Variants in BCAM observed in about 807,000 individuals in gnomAD.
The protein encoded by BCAM is basal cell adhesion molecule (Lutheran blood group).
Under a neutral mutation model 72.4 loss-of-function variants are expected in BCAM, and 61 were observed. That is an observed-to-expected ratio of 0.84 (90% CI 0.69 to 1.04). The LOEUF (loss-of-function observed/expected upper bound fraction) is 1.04, where lower values mean the gene tolerates loss of function less well. Ranked by LOEUF, BCAM falls within the 50% of genes least tolerant of loss-of-function variation. The probability of loss-of-function intolerance (pLI) is 0.00; values close to 1 mark genes in which losing one functional copy is unlikely to be tolerated. For synonymous variants in BCAM, 408 were observed against 384.2 expected, an observed-to-expected ratio of 1.06 and a Z score of -0.73; for missense variants, 909 against 895.0, an observed-to-expected ratio of 1.02 and a Z score of -0.20.
chr19:44,812,498 G>C lies in BCAM; in HGVS notation c.454G>C (p.Val152Leu). ...NVFAKPEATE[V>L]SPNKGTLSVM... ...CACAGCAAAGCCAGAGGCCACTGAG[G>C]TCTCCCCCAACAAAGGGACACTGTC... The change falls in exon 4 of 15, where the codon GTC becomes CTC. Residue 152 changes from valine (V) to leucine (L), a missense_variant. Val to Leu is a conservative substitution (Grantham distance 32, BLOSUM62 1). Coordinates refer to ENST00000270233, the MANE Select transcript of BCAM (RefSeq NM_005581.5). This position sits in a 1 kb window ranked among gnomAD's most constrained non-coding sequence, Gnocchi z 5.3. 1.9e-6 allele frequency: 3 copies of C among 1,614,240 alleles called. No individual in the cohort carries two copies. Among genetic ancestry groups the C allele is most frequent in the Non-Finnish European group, 2.5e-6 (3 of 1,180,042 alleles).
rs1968573808 is a variant in BCAM, at chr19:44,820,714, G to A, written c.1773G>A (p.Gly591=). ...QRREKGAPPP[G]EPGLSHSGSE... ...TGCCTCCTCCCCCCAGGCCGCCAGG[G>A]GAGCCAGGGCTGAGCCACTCGGGGT... is the stretch of plus-strand genomic sequence containing the variant. Residue 591 remains glycine, a synonymous_variant, in exon 14 of 15, where the codon GGG becomes GGA. Transcript: ENST00000270233. The A allele has an allele frequency of 4.3e-6, 6 of 1,402,068 alleles. No homozygotes were observed. In the East Asian group the frequency reaches 1.4e-4, roughly 32 times the overall value. The allele number at this position is 1,402,068 out of a possible 1,614,324, so 86.9% of individuals were successfully genotyped here.
In BCAM at chr19:44,818,532, C is replaced by A. The variant is rs1369874626; in HGVS notation, c.1089C>A (p.Pro363=). Residue 363 remains proline (P), a synonymous_variant, in exon 9 of 15, where the codon CCC becomes CCA. Coordinates refer to ENST00000270233, the MANE Select transcript of BCAM (RefSeq NM_005581.5). This position sits in a 1 kb window ranked among gnomAD's most constrained non-coding sequence, Gnocchi z 4.6. ...TLELRVAYLD[P]LELSEGKVLS... ...TGTCCCCCACTGCAGATCTGGACCC[C>A]CTGGAGCTCAGCGAGGGGAAGGTGC... The A allele has an allele frequency of 6.2e-7, 1 of 1,613,762 alleles. No homozygotes were observed. The highest frequency in any genetic ancestry group is 1.3e-5 in the African/African-American group (1 of 74,898).
At position 44,813,153 on chromosome 19, in the gene BCAM, C is replaced by T; in HGVS notation, c.505-97C>T. The stretch of plus-strand genomic sequence containing the variant: ...CCTGGGAGAGTCGGGAGTTAGGAGC[C>T]CGGCTCATGAGTCTGAGTGGGGAGA... On this transcript the variant is annotated intron_variant, in intron 4 of 14. Transcript: ENST00000270233. The surrounding 1 kb of genome is among the most constrained non-coding windows in gnomAD (Gnocchi z 4.2). 1 of 1,388,448 alleles carries T rather than the reference C, an allele frequency of 7.2e-7. No individual in the cohort carries two copies. Among genetic ancestry groups the T allele is most frequent in the Non-Finnish European group, 9.9e-7 (1 of 1,006,314 alleles). The allele number at this position is 1,388,448 out of a possible 1,614,324, so 86.0% of individuals were successfully genotyped here.
chr19:44,815,838 GCA>G (rs147388701), intron 8 of BCAM, among the ~76,000 whole-genome samples: 366 of 150,002 alleles, frequency 2.4e-3, no homozygotes, highest in African/African-American at 8.7e-3. Flanking sequence ...GACCCCATTT[GCA>G]CACACACACA....
intron 1 of BCAM, among the ~76,000 whole-genome samples, chr19:44,810,716 G>A (rs376855400): frequency 6.6e-6 from 1 of 152,238 alleles, no homozygotes; most frequent in Non-Finnish European, 1.5e-5. Flanking sequence ...CCTGCCCTGG[G>A]GGGTGGCGTG....
Position 44,819,350 on chromosome 19 carries a change from C to A in BCAM, c.1478C>A (p.Ala493Glu). The stretch of plus-strand genomic sequence containing the variant: ...GCCTGATCGGAGCCTCCATAGCCCG[C>A]AGAGCCAATCCCCGGACGGCAGGGT... ...LSWSQLGGSPAEPIPGRQGWV... is the reference protein window; with the variant it reads ...LSWSQLGGSPEEPIPGRQGWV... Residue 493 changes from alanine to glutamate, a missense_variant, in exon 12 of 15, where the codon GCA (alanine) becomes GAA (glutamate). Physicochemically the swap from Ala to Glu is moderately radical, Grantham distance 107 (BLOSUM62 -1). Transcript: ENST00000270233. The A allele has an allele frequency of 6.2e-7, 1 of 1,614,102 alleles. No homozygotes were observed. The highest frequency in any genetic ancestry group is 2.2e-5 in the East Asian group (1 of 44,880).
Position 44,814,711 on chromosome 19 carries a change from C to CGCG in BCAM, c.1032_1034dup (p.Ala345dup), listed in dbSNP as rs1315689440. On this transcript the variant is annotated inframe_insertion, in exon 8 of 15. Transcript: ENST00000270233. The surrounding 1 kb of genome is among the most constrained non-coding windows in gnomAD (Gnocchi z 4.6). Reference sequence around the variant, plus strand: ...ATGGCTGCAGAGTGGAGGATTACGACGCGGCAGATGACGTGCAGCTCTCCA... The same window carrying CGCG: ...ATGGCTGCAGAGTGGAGGATTACGACGCGGCGGCAGATGACGTGCAGCTCTCCA... 11 of 1,613,754 alleles carry CGCG rather than the reference C, an allele frequency of 6.8e-6. No individual in the cohort carries two copies. Among genetic ancestry groups the CGCG allele is most frequent in the Non-Finnish European group, 9.3e-6 (11 of 1,180,012 alleles).
At chr19:44,811,974 A>T (rs182256571) in intron 2 of BCAM, 189 bp from the exon 3 acceptor site, 16 of 627,350 alleles carry the variant, frequency 2.6e-5, no homozygotes, top group Admixed American at 2.5e-4. Flanking sequence ...GGAGAAAAGG[A>T]GACAGGAAAA....
In BCAM at chr19:44,814,609, G is replaced by A; in HGVS notation, c.927G>A (p.Glu309=). 6.2e-7 allele frequency: 1 copy of A among 1,613,188 alleles called. No individual in the cohort carries two copies. Among genetic ancestry groups the A allele is most frequent in the Non-Finnish European group, 8.5e-7 (1 of 1,179,424 alleles). ...PEYTLFRLQD[E]QEEVLNVNLE... ...CCTCGTCCCCCGTCTCCCAGGATGAGCAGGAGGAAGTGCTGAATGTGAATC... is the reference window on the plus strand; with the variant it reads ...CCTCGTCCCCCGTCTCCCAGGATGAACAGGAGGAAGTGCTGAATGTGAATC... Residue 309 remains glutamate (E), a synonymous_variant, in exon 8 of 15, where the codon GAG becomes GAA. Transcript: ENST00000270233. This position sits in a 1 kb window ranked among gnomAD's most constrained non-coding sequence, Gnocchi z 4.6.
chr19:44,813,242 T>A lies in BCAM; in HGVS notation c.505-8T>A. Reference sequence around the variant, plus strand: ...CCAAGCCCAGGGCCATGCCCGTGTCTGCCTCAGATCGCCACCTGCAACAGC... The same window carrying A: ...CCAAGCCCAGGGCCATGCCCGTGTCAGCCTCAGATCGCCACCTGCAACAGC... On this transcript the variant is annotated splice_region_variant and splice_polypyrimidine_tract_variant and intron_variant, in intron 4 of 14. Coordinates refer to ENST00000270233, the MANE Select transcript of BCAM (RefSeq NM_005581.5). The surrounding 1 kb of genome is among the most constrained non-coding windows in gnomAD (Gnocchi z 4.2). 1 of 1,613,974 alleles carries A rather than the reference T, an allele frequency of 6.2e-7. No homozygotes were observed. The highest frequency in any genetic ancestry group is 8.5e-7 in the Non-Finnish European group (1 of 1,179,982).
Position 44,812,490 on chromosome 19 carries a change from C to T in BCAM, c.446C>T (p.Ala149Val). 1 of 1,614,230 alleles carries T rather than the reference C, an allele frequency of 6.2e-7. No homozygotes were observed. Among genetic ancestry groups the T allele is most frequent in the Non-Finnish European group, 8.5e-7 (1 of 1,180,036 alleles). Residue 149 changes from alanine to valine, a missense_variant, in exon 4 of 15, where the codon GCC becomes GTC. Ala to Val is a moderately conservative substitution (Grantham distance 64, BLOSUM62 0). Coordinates refer to ENST00000270233, the MANE Select transcript of BCAM (RefSeq NM_005581.5). This position sits in a 1 kb window ranked among gnomAD's most constrained non-coding sequence, Gnocchi z 5.3. ...GTCTTTTTCACAGCAAAGCCAGAGG[C>T]CACTGAGGTCTCCCCCAACAAAGGG... ...ARLNVFAKPE[A>V]TEVSPNKGTL...
chr19:44,819,727 G>A lies in BCAM; in HGVS notation c.1763+1G>A, dbSNP rs1230351368. 3.1e-6 allele frequency: 5 copies of A among 1,597,016 alleles called. No homozygotes were observed. In the African/African-American group the frequency reaches 4.1e-5, roughly 13 times the overall value. On this transcript the variant is annotated splice_donor_variant, in intron 13 of 14. Transcript: ENST00000270233. LOFTEE classifies it high-confidence loss of function. ...GCCAGCGGCGGGAGAAGGGGGCTCC[G>A]TGAGTGGCCTGCTATCTGCAATGAC...
At position 44,821,165 on chromosome 19, in the gene BCAM, C is replaced by T. The variant is rs1968586575; in HGVS notation, c.*244C>T. 3.9e-6 allele frequency: 2 copies of T among 513,250 alleles called. No homozygotes were observed. Among genetic ancestry groups the T allele is most frequent in the South Asian group, 6.5e-5 (2 of 30,696 alleles). 31.8% of individuals were successfully genotyped at this position (513,250 alleles called of 1,614,324 possible). On this transcript the variant is annotated 3_prime_UTR_variant, in exon 15 of 15. Transcript: ENST00000270233. ...CTCCAGGGAATGTGACTCTCCCAGG[C>T]CCCAGAATAGCTCCTGGACCCAAGC... is the stretch of plus-strand genomic sequence containing the variant.
Position 44,813,553 on chromosome 19 carries a change from C to G in BCAM, c.717C>G (p.Ala239=). 6.2e-7 allele frequency: 1 copy of G among 1,612,784 alleles called. No individual in the cohort carries two copies. Among genetic ancestry groups the G allele is most frequent in the Non-Finnish European group, 8.5e-7 (1 of 1,179,930 alleles). ...DDRDASFHCA[A]HYSLPEGRHG... is the part of the protein sequence containing the mutation. Reference sequence around the variant, plus strand: ...GAGACGCCAGCTTCCACTGCGCCGCCCACTACAGCCTGCCCGAGGGCCGCC... The same window carrying G: ...GAGACGCCAGCTTCCACTGCGCCGCGCACTACAGCCTGCCCGAGGGCCGCC... The change falls in exon 6 of 15, where the codon GCC becomes GCG. Residue 239 remains alanine, a synonymous_variant. Transcript: ENST00000270233. This position sits in a 1 kb window ranked among gnomAD's most constrained non-coding sequence, Gnocchi z 4.2.
rs899523462 is a variant in BCAM, at chr19:44,821,279, C to T, written c.*358C>T. On this transcript the variant is annotated 3_prime_UTR_variant, in exon 15 of 15. Transcript: ENST00000270233. The stretch of plus-strand genomic sequence containing the variant: ...CTCCCCTGCTGGTCCCCCCACCTGA[C>T]GTCTTGCTGCAGAGTCTGACACTGG... 11 of 267,022 alleles carry T rather than the reference C, an allele frequency of 4.1e-5. No homozygotes were observed. The highest frequency in any genetic ancestry group is 7.0e-5 in the East Asian group (1 of 14,374). 16.5% of individuals were successfully genotyped at this position (267,022 alleles called of 1,614,324 possible).
Position 44,820,815 on chromosome 19 carries a change from G to A in BCAM, c.1874G>A (p.Gly625Glu). ...GCCAGGGGTGGCAGCGGGGGCTTCG[G>A]AGACGAGGTGGGTGAGGGCCTGGGC... ...GGARGGSGGF[G>E]DEC The change falls in exon 14 of 15, where the codon GGA becomes GAA. Residue 625 changes from glycine (G) to glutamate (E), a missense_variant. Coordinates refer to ENST00000270233, the MANE Select transcript of BCAM (RefSeq NM_005581.5). 6.6e-7 allele frequency: 1 copy of A among 1,513,766 alleles called. No homozygotes were observed. The highest frequency in any genetic ancestry group is 8.9e-7 in the Non-Finnish European group (1 of 1,128,758). 93.8% of individuals were successfully genotyped at this position (1,513,766 alleles called of 1,614,324 possible).
At position 44,812,988 on chromosome 19, in the gene BCAM, A is replaced by C; in HGVS notation, c.505-262A>C. On this transcript the variant is annotated intron_variant, in intron 4 of 14. Coordinates refer to ENST00000270233, the MANE Select transcript of BCAM (RefSeq NM_005581.5). The surrounding 1 kb of genome is among the most constrained non-coding windows in gnomAD (Gnocchi z 5.3). ...AAAAGAAGAAGAAAAGAAAAAAGAA[A>C]GGAAGGGCAGAGGGGGAAGACTCCT... 4.1e-6 allele frequency: 2 copies of C among 490,958 alleles called. No homozygotes were observed. Among genetic ancestry groups the C allele is most frequent in the Non-Finnish European group, 7.1e-6 (2 of 281,052 alleles). 30.4% of individuals were successfully genotyped at this position (490,958 alleles called of 1,614,324 possible).
At position 44,813,366 on chromosome 19, in the gene BCAM, G is replaced by A. The variant is rs28399655; in HGVS notation, c.601+20G>A. ...ACCCAGGTGAGCAGCGCAGGAGCGC[G>A]GCGGGACGTGGGCTGGGGTGGGTGG... On this transcript the variant is annotated intron_variant, in intron 5 of 14. Transcript: ENST00000270233. The surrounding 1 kb of genome is among the most constrained non-coding windows in gnomAD (Gnocchi z 4.2). 15 of 1,611,450 alleles carry A rather than the reference G, an allele frequency of 9.3e-6. No homozygotes were observed. The highest frequency in any genetic ancestry group is 1.6e-4 in the Middle Eastern group (1 of 6,076).
At position 44,813,396 on chromosome 19, in the gene BCAM, G is replaced by C; in HGVS notation, c.602-42G>C. On this transcript the variant is annotated intron_variant, in intron 5 of 14. Transcript: ENST00000270233. The surrounding 1 kb of genome is among the most constrained non-coding windows in gnomAD (Gnocchi z 4.2). Reference sequence around the variant, plus strand: ...GACGTGGGCTGGGGTGGGTGGCGGGGCTATGGCCTGGCTGACTGCCACCTC... The same window carrying C: ...GACGTGGGCTGGGGTGGGTGGCGGGCCTATGGCCTGGCTGACTGCCACCTC... 3 of 1,608,490 alleles carry C rather than the reference G, an allele frequency of 1.9e-6. No individual in the cohort carries two copies. Among genetic ancestry groups the C allele is most frequent in the Non-Finnish European group, 2.5e-6 (3 of 1,177,138 alleles).
Sources: gnomAD v4.1 joint callset for allele counts (sites outside exome capture counted in the v4.1 genomes callset) on GRCh38, gnomAD v4.1.1 for gene constraint, Gnocchi (gnomAD v3.1) non-coding constraint, MANE v1.5 for transcripts, NCBI Gene and HGNC (gene_info 2026-07-23, HGNC 2026-07-21) for gene names.